Variants in MTOR observed in about 807,000 individuals in gnomAD.
The protein encoded by MTOR is serine/threonine-protein kinase mTOR.
In MTOR, 70 loss-of-function variants were observed where a neutral mutation model predicts 319.8. The ratio of observed to expected loss-of-function variants is 0.22; its 90% CI spans 0.18 to 0.27. The LOEUF is 0.27. Among genes scored for constraint, MTOR ranks in the 10% least tolerant of loss-of-function variants. MTOR has a pLI of 1.00. For missense variants in MTOR, 1,890 were observed against 3,274.4 expected (o/e 0.58, Z 10.32); for synonymous variants, 1,183 against 1,211.4 (o/e 0.98, Z 0.49).
In MTOR at chr1:11,255,286, G is replaced by T. The variant is rs187341094; in HGVS notation, c.705+706C>A. On this transcript the variant is annotated intron_variant, in intron 5 of 57. Coordinates refer to ENST00000361445, the MANE Select transcript of MTOR (RefSeq NM_004958.4). ...TAGTCCCAGCTACTCGGGAGGCTGAGGCAGGAGAATCACTTGAACCCAGGA... is the reference window on the plus strand; with the variant it reads ...TAGTCCCAGCTACTCGGGAGGCTGATGCAGGAGAATCACTTGAACCCAGGA... Among the ~76,000 whole-genome samples, 127 of 150,404 alleles carry T rather than the reference G, an allele frequency of 8.4e-4. 1 individual carries two copies. The highest frequency in any genetic ancestry group is 2.7e-3 in the South Asian group (13 of 4,770).
chr1:11,154,102 A>AAAAAAAAAC (rs1644242159), intron 30 of MTOR, among the ~76,000 whole-genome samples: 3 of 135,770 alleles, frequency 2.2e-5, no homozygotes, highest in Non-Finnish European at 4.7e-5. Flanking sequence ...AAAAAAAAAA[A>AAAAAAAAAC]AGCCACATGT....
chr1:11,218,363 G>C (rs1384478006), intron 19 of MTOR, among the ~76,000 whole-genome samples: 1 of 151,894 alleles, frequency 6.6e-6, no homozygotes, highest in Non-Finnish European at 1.5e-5. Context: ...CCGGAAGGCG[G>C]AGGTTGCAGT....
At chr1:11,169,279 T>C (rs1407346358) in intron 28 of MTOR, among the ~76,000 whole-genome samples, 1 of 152,192 alleles carries the variant, frequency 6.6e-6, no homozygotes, top group Non-Finnish European at 1.5e-5. Context: ...TTCCAATCCA[T>C]CACTTCTTTG....
At chr1:11,200,736 C>T (rs1468597243) in intron 26 of MTOR, among the ~76,000 whole-genome samples, 2 of 152,112 alleles carry the variant, frequency 1.3e-5, no homozygotes, top group Non-Finnish European at 2.9e-5. Context: ...AAAAATAAGG[C>T]CAGGCGTGGT....
In MTOR at chr1:11,225,669, G is replaced by A. The variant is rs557495030; in HGVS notation, c.3030+2999C>T. On this transcript the variant is annotated intron_variant, in intron 19 of 57. Transcript: ENST00000361445. ...ACTCCGAACCTCAGATGATCCACCC[G>A]CCTTGGCCTCCCAAAGTGCTGGGAT... Among the ~76,000 whole-genome samples, 27 of 152,144 alleles carry A rather than the reference G, an allele frequency of 1.8e-4. 1 individual carries two copies. The South Asian group carries it at 5.4e-3, about 30-fold the overall frequency.
In MTOR at chr1:11,115,675, C is replaced by T; in HGVS notation, c.7017-207G>A. 1.9e-6 allele frequency: 1 copy of T among 533,828 alleles called. No individual in the cohort carries two copies. The highest frequency in any genetic ancestry group is 3.4e-6 in the Non-Finnish European group (1 of 293,502). The allele number at this position is 533,828 out of a possible 1,614,324, so 33.1% of individuals were successfully genotyped here. Reference sequence around the variant, plus strand: ...AGTACTGTTCCAGGCTGCTTCCATGCTACGACAGCAGAGCTGACTAGTTGT... The same window carrying T: ...AGTACTGTTCCAGGCTGCTTCCATGTTACGACAGCAGAGCTGACTAGTTGT... On this transcript the variant is annotated intron_variant, in intron 50 of 57. Transcript: ENST00000361445. The surrounding 1 kb of genome is among the most constrained non-coding windows in gnomAD (Gnocchi z 4.5).
intron 26 of MTOR, among the ~76,000 whole-genome samples, chr1:11,200,827 A>G (rs991211957): frequency 6.6e-6 from 1 of 151,980 alleles, no homozygotes; most frequent in Non-Finnish European, 1.5e-5. Context: ...CATCCTGGCT[A>G]ACATGGTGAA....
chr1:11,241,750 C>T (rs890233214), intron 9 of MTOR, 69 bp from the exon 10 acceptor site: 39 of 1,558,748 alleles, frequency 2.5e-5, no homozygotes, highest in Non-Finnish European at 3.2e-5. Flanking sequence ...TCAAAATCAC[C>T]TTGGGGCAAG....
chr1:11,209,183 A>G, intron 25 of MTOR, 129 bp downstream of exon 25: 1 of 1,082,924 alleles, frequency 9.2e-7, no homozygotes, highest in Non-Finnish European at 1.3e-6. Context: ...ATCTAAGTTC[A>G]TGGTATCTAG....
At chr1:11,188,886 C>T (rs1046355934) in intron 28 of MTOR, among the ~76,000 whole-genome samples, 6 of 152,106 alleles carry the variant, frequency 3.9e-5, no homozygotes, top group African/African-American at 1.2e-4. Context: ...GAATAATCAG[C>T]CTAGATAAAA....
intron 25 of MTOR, among the ~76,000 whole-genome samples, chr1:11,207,965 T>C (rs1044541089): frequency 1.3e-5 from 2 of 152,190 alleles, no homozygotes; most frequent in Non-Finnish European, 2.9e-5. Context: ...AAAGCAAAAC[T>C]TCCTGGAAGC....
rs760354518 is a variant in MTOR at position 11,247,747 on chromosome 1, G to T, written c.1117-14C>A. ...CCACTGGCACACCTGAGAGAGGAAG[G>T]ATAAAGGGTTGGCAGGGGAAAAGTG... On this transcript the variant is annotated splice_polypyrimidine_tract_variant and intron_variant, in intron 7 of 57. Coordinates refer to ENST00000361445, the MANE Select transcript of MTOR (RefSeq NM_004958.4). The T allele has an allele frequency of 2.5e-6, 4 of 1,614,118 alleles. No homozygotes were observed. In the South Asian group the frequency reaches 4.4e-5, roughly 18 times the overall value.
chr1:11,172,557 C>CAAAAAAAAA (rs767483973), intron 28 of MTOR, among the ~76,000 whole-genome samples: 1 of 56,316 alleles, frequency 1.8e-5, no homozygotes, highest in Non-Finnish European at 4.0e-5. Flanking sequence ...GACTCTGTCT[C>CAAAAAAAAA]AAAAAAAAAA....
At chr1:11,202,739 C>A (rs751970259) in intron 26 of MTOR, among the ~76,000 whole-genome samples, 3 of 151,842 alleles carry the variant, frequency 2.0e-5, no homozygotes, top group African/African-American at 4.8e-5. Flanking sequence ...CATAGTGAGA[C>A]CTCGTCTCTA....
chr1:11,115,185 G>A lies in MTOR; in HGVS notation c.7089+211C>T, dbSNP rs1046557291. On this transcript the variant is annotated intron_variant, in intron 51 of 57. Transcript: ENST00000361445. This position sits in a 1 kb window ranked among gnomAD's most constrained non-coding sequence, Gnocchi z 4.5. ...GGGTAGGGGCCTACTCTACTCAGAGGGCATGGGAACAGCAGCCCTTGCTCC... is the reference window on the plus strand; with the variant it reads ...GGGTAGGGGCCTACTCTACTCAGAGAGCATGGGAACAGCAGCCCTTGCTCC... Among the ~76,000 whole-genome samples, 2 of 152,162 alleles carry A rather than the reference G, an allele frequency of 1.3e-5. No individual in the cohort carries two copies. The highest frequency in any genetic ancestry group is 4.8e-5 in the African/African-American group (2 of 41,426).
At chr1:11,206,298 C>T (rs561817378) in intron 25 of MTOR, among the ~76,000 whole-genome samples, 1 of 152,246 alleles carries the variant, frequency 6.6e-6, no homozygotes, top group South Asian at 2.1e-4. Context: ...TTTCTTTTTC[C>T]CTCTAATGAA....
At chr1:11,248,333 G>C (rs1308239896) in intron 6 of MTOR, among the ~76,000 whole-genome samples, 1 of 152,162 alleles carries the variant, frequency 6.6e-6, no homozygotes, top group Non-Finnish European at 1.5e-5. Flanking sequence ...AGCAGCAGAG[G>C]GCTGCCTTGC....
chr1:11,209,899 GCT>G (rs1262555653), intron 24 of MTOR, among the ~76,000 whole-genome samples: 1 of 152,090 alleles, frequency 6.6e-6, no homozygotes, highest in African/African-American at 2.4e-5. Flanking sequence ...ACAGAGTCTA[GCT>G]CTGTCTCTCA....
chr1:11,203,763 C>T (rs1197760594), intron 26 of MTOR, among the ~76,000 whole-genome samples: 1 of 152,232 alleles, frequency 6.6e-6, no homozygotes, highest in Non-Finnish European at 1.5e-5. Context: ...TATTACTTCT[C>T]CTCTCTCAAG....
Sources: gnomAD v4.1 joint callset for allele counts (sites outside exome capture counted in the v4.1 genomes callset) on GRCh38, gnomAD v4.1.1 for gene constraint, Gnocchi (gnomAD v3.1) non-coding constraint, MANE v1.5 for transcripts, NCBI Gene and HGNC (gene_info 2026-07-23, HGNC 2026-07-21) for gene names.